XYLT1: variants seen among roughly 807,000 people sequenced by gnomAD.
XYLT1 encodes the protein beta-D-xylosyltransferase 1.
XYLT1 carries 36 observed loss-of-function variants against 91.3 expected under a neutral mutation model. The observed-to-expected ratio is 0.39, with a 90% CI of 0.30 to 0.52. The LOEUF is 0.52. XYLT1 is among the 20% of genes least tolerant of loss of function. The probability of loss-of-function intolerance (pLI) is 0.68; values close to 1 mark genes in which losing one functional copy is unlikely to be tolerated. For synonymous variants in XYLT1, 588 were observed against 532.0 expected (o/e 1.11, Z -1.45); for missense variants, 1,242 against 1,284.5 (o/e 0.97, Z 0.51).
chr16:17,131,822 C>A (rs112415032), intron 9 of XYLT1, among the ~76,000 whole-genome samples: 3,828 of 152,278 alleles, frequency 0.025, 71 homozygotes, highest in Non-Finnish European at 0.037. Flanking sequence ...TCCCCACATG[C>A]CCCGGGGCTA....
chr16:17,283,586 A>T (rs2034090404), intron 2 of XYLT1, among the ~76,000 whole-genome samples: 1 of 152,232 alleles, frequency 6.6e-6, no homozygotes, highest in African/African-American at 2.4e-5. Flanking sequence ...AATAACAACT[A>T]AGTAGAATTT....
chr16:17,358,259 A>T (rs1384992588), intron 1 of XYLT1, among the ~76,000 whole-genome samples: 1 of 151,808 alleles, frequency 6.6e-6, no homozygotes, highest in Non-Finnish European at 1.5e-5. Context: ...TCAGCCTCCC[A>T]AGTAGCTATG....
intron 4 of XYLT1, among the ~76,000 whole-genome samples, chr16:17,200,216 T>C (rs1396994856): frequency 3.3e-5 from 3 of 90,750 alleles, no homozygotes; most frequent in Non-Finnish European, 5.8e-5. Flanking sequence ...CGACATTCCA[T>C]CAAAAAAAAA....
At chr16:17,394,316 C>T (rs1477459563) in intron 1 of XYLT1, among the ~76,000 whole-genome samples, 5 of 152,198 alleles carry the variant, frequency 3.3e-5, no homozygotes, top group Admixed American at 1.3e-4. Context: ...CAGCGATCAC[C>T]GTTGCAGTTC....
At chr16:17,414,759 C>A (rs1017446434) in intron 1 of XYLT1, among the ~76,000 whole-genome samples, 1 of 152,194 alleles carries the variant, frequency 6.6e-6, no homozygotes, top group Non-Finnish European at 1.5e-5. Context: ...CCCCTGCCAC[C>A]ACCTCCTCAC....
At chr16:17,189,249 C>T (rs2032256220) in intron 5 of XYLT1, among the ~76,000 whole-genome samples, 1 of 152,208 alleles carries the variant, frequency 6.6e-6, no homozygotes, top group Admixed American at 6.5e-5. Flanking sequence ...TTTCCATCTT[C>T]AACCTGAATC....
Position 17,198,439 on chromosome 16 carries a change from T to C in XYLT1, c.1087-25A>G, listed in dbSNP as rs1015006443. On this transcript the variant is annotated intron_variant, in intron 4 of 11. Transcript: ENST00000261381. The stretch of plus-strand genomic sequence containing the variant: ...GCTTTTCCCAGGAGAGAAAGGGTGA[T>C]GACAGTCAGTGGCCTAGAAAATACC... The C allele has an allele frequency of 2.5e-6, 4 of 1,607,578 alleles. No homozygotes were observed. The African/African-American group carries it at 4.0e-5, about 16-fold the overall frequency.
chr16:17,307,125 C>G (rs1229596484), intron 2 of XYLT1, among the ~76,000 whole-genome samples: 1 of 152,144 alleles, frequency 6.6e-6, no homozygotes, highest in Non-Finnish European at 1.5e-5. Context: ...ACTGCCCAGG[C>G]TAGAGTGCAA....
At chr16:17,254,377 C>T (rs2141752625) in intron 3 of XYLT1, among the ~76,000 whole-genome samples, 1 of 152,218 alleles carries the variant, frequency 6.6e-6, no homozygotes. Context: ...TTTTCTCTAG[C>T]TTACTTACAT....
At chr16:17,428,269 C>T (rs1042532729) in intron 1 of XYLT1, among the ~76,000 whole-genome samples, 2 of 152,198 alleles carry the variant, frequency 1.3e-5, no homozygotes, top group African/African-American at 4.8e-5. Context: ...AAGGCATGAG[C>T]CACTGCACCA....
chr16:17,378,669 T>C (rs116806830), intron 1 of XYLT1, among the ~76,000 whole-genome samples: 2,904 of 152,322 alleles, frequency 0.019, 84 homozygotes, highest in African/African-American at 0.066. Context: ...TTGTAACTCA[T>C]GTTTTCACCG....
intron 2 of XYLT1, among the ~76,000 whole-genome samples, chr16:17,341,081 A>C (rs2035058021): frequency 6.6e-6 from 1 of 152,326 alleles, no homozygotes; most frequent in South Asian, 2.1e-4. Context: ...ACCTCCTCAT[A>C]GGACAATATA....
intron 10 of XYLT1, among the ~76,000 whole-genome samples, chr16:17,121,993 CACACAATTTATTCACTG>C (rs2030076467): frequency 6.6e-6 from 1 of 152,142 alleles, no homozygotes; most frequent in African/African-American, 2.4e-5. Flanking sequence ...CACACACACA[CACACAATTTATTCACTG>C]ATTGATGGGC....
chr16:17,128,229 G>A (rs914506094), intron 9 of XYLT1, among the ~76,000 whole-genome samples: 3 of 152,142 alleles, frequency 2.0e-5, no homozygotes, highest in African/African-American at 7.2e-5. Context: ...TATTTCCTAT[G>A]CATCTATTTG....
intron 1 of XYLT1, among the ~76,000 whole-genome samples, chr16:17,417,144 G>C (rs1326805967): frequency 1.3e-5 from 2 of 152,154 alleles, no homozygotes; most frequent in African/African-American, 4.8e-5. Context: ...AAGTCAGGTG[G>C]TATGCTTTTT....
At chr16:17,444,943 G>A (rs1457191523) in intron 1 of XYLT1, among the ~76,000 whole-genome samples, 1 of 152,206 alleles carries the variant, frequency 6.6e-6, no homozygotes, top group Non-Finnish European at 1.5e-5. Context: ...CATAGTAGGT[G>A]CTCACTAAAT....
intron 2 of XYLT1, among the ~76,000 whole-genome samples, chr16:17,314,877 G>T (rs368210329): frequency 6.6e-6 from 1 of 152,186 alleles, no homozygotes; most frequent in East Asian, 1.9e-4. Context: ...GTTCAGTCCT[G>T]GTACGAGTTT....
chr16:17,316,967 C>T (rs1038046545), intron 2 of XYLT1, among the ~76,000 whole-genome samples: 3 of 151,616 alleles, frequency 2.0e-5, no homozygotes, highest in Admixed American at 6.6e-5. Context: ...GGACTACAGG[C>T]GCCCGCCACC....
intron 6 of XYLT1, among the ~76,000 whole-genome samples, chr16:17,144,702 T>C (rs756352025): frequency 6.6e-6 from 1 of 152,162 alleles, no homozygotes; most frequent in Non-Finnish European, 1.5e-5. Flanking sequence ...ATCCACACAA[T>C]GTAAAATAAC....
Sources: allele counts gnomAD v4.1 joint callset (sites outside exome capture counted in the v4.1 genomes callset), GRCh38; gene constraint gnomAD v4.1.1; transcripts MANE v1.5; gene names NCBI Gene and HGNC (gene_info 2026-07-23, HGNC 2026-07-21).